Variants in PXDNL observed in about 807,000 individuals in gnomAD.
PXDNL encodes peroxidasin like.
In PXDNL, 145 loss-of-function variants were observed where a neutral mutation model predicts 150.8. The ratio of observed to expected loss-of-function variants is 0.96; its 90% CI spans 0.84 to 1.10. PXDNL has a LOEUF of 1.10. Among genes scored for constraint, PXDNL ranks in the 50% least tolerant of loss-of-function variants. The probability of loss-of-function intolerance (pLI) is 0.00; values close to 1 mark genes in which losing one functional copy is unlikely to be tolerated. For synonymous variants in PXDNL, 757 were observed against 725.7 expected (o/e 1.04, Z -0.69); for missense variants, 2,087 against 1,873.9 (o/e 1.11, Z -2.10).
intron 4 of PXDNL, among the ~76,000 whole-genome samples, chr8:51,548,095 A>G (rs1430747017): frequency 1.1e-5 from 1 of 91,518 alleles, no homozygotes; most frequent in Non-Finnish European, 2.0e-5. Context: ...TTCAGAATTC[A>G]AAAAAAAAAA....
chr8:51,476,677 A>T (rs1456246204), intron 6 of PXDNL, among the ~76,000 whole-genome samples: 2 of 152,124 alleles, frequency 1.3e-5, no homozygotes, highest in Non-Finnish European at 2.9e-5. Context: ...ACTTTTTTTC[A>T]TTTCTCCCAA....
chr8:51,508,975 G>A (rs1303990679), intron 4 of PXDNL, among the ~76,000 whole-genome samples: 1 of 152,112 alleles, frequency 6.6e-6, no homozygotes, highest in Non-Finnish European at 1.5e-5. Flanking sequence ...TCCAGATGCT[G>A]CACCCATCCC....
At chr8:51,525,121 A>T (rs1313102110) in intron 4 of PXDNL, among the ~76,000 whole-genome samples, 6 of 104,832 alleles carry the variant, frequency 5.7e-5, no homozygotes, top group Admixed American at 8.8e-5. Flanking sequence ...ACCTTTATTT[A>T]AAAAAAAAAA....
intron 13 of PXDNL, among the ~76,000 whole-genome samples, chr8:51,424,300 G>T (rs1401693306): frequency 6.6e-6 from 1 of 152,096 alleles, no homozygotes; most frequent in African/African-American, 2.4e-5. Context: ...GTCCAGAAGT[G>T]TGAATCTGTA....
chr8:51,705,698 C>A (rs1008592543), intron 1 of PXDNL, among the ~76,000 whole-genome samples: 1 of 152,130 alleles, frequency 6.6e-6, no homozygotes, highest in African/African-American at 2.4e-5. Context: ...AAGGAGTGAG[C>A]GTGTTTATTC....
intron 17 of PXDNL, among the ~76,000 whole-genome samples, chr8:51,378,533 T>C (rs969519719): frequency 3.9e-5 from 6 of 152,320 alleles, no homozygotes; most frequent in Non-Finnish European, 8.8e-5. Flanking sequence ...AAAAGCAGGC[T>C]GCCCCAGCCA....
chr8:51,408,793 C>T lies in PXDNL; in HGVS notation c.2831G>A (p.Cys944Tyr). ...LPFSTGPPTE[C>Y]ARQEQESPCF... ...GGGGCTCTCCTGCTCCTGTCGCGCG[C>T]ACTCGGTGGGTGGGCCTGTAGAAAA... The change falls in exon 17 of 23, where the codon TGC becomes TAC. Residue 944 changes from cysteine (C) to tyrosine (Y), a missense_variant. Physicochemically the swap from Cys to Tyr is radical, Grantham distance 194. Transcript: ENST00000356297. 6.4e-7 allele frequency: 1 copy of T among 1,572,352 alleles called. No homozygotes were observed. Among genetic ancestry groups the T allele is most frequent in the Non-Finnish European group, 8.6e-7 (1 of 1,159,880 alleles).
chr8:51,325,913 T>G (rs974737196), intron 21 of PXDNL, among the ~76,000 whole-genome samples: 2 of 151,992 alleles, frequency 1.3e-5, no homozygotes, highest in Non-Finnish European at 2.9e-5. Context: ...TGGGGTAGAG[T>G]GGTTATTGTC....
At chr8:51,535,787 C>T (rs150942788) in intron 4 of PXDNL, among the ~76,000 whole-genome samples, 58 of 152,186 alleles carry the variant, frequency 3.8e-4, no homozygotes, top group African/African-American at 1.4e-3. Context: ...TTTCTTCTTT[C>T]TTTTTCTCCT....
At chr8:51,389,337 C>T (rs1461372244) in intron 17 of PXDNL, among the ~76,000 whole-genome samples, 2 of 152,166 alleles carry the variant, frequency 1.3e-5, no homozygotes, top group Non-Finnish European at 2.9e-5. Context: ...CTGTGTAACA[C>T]AGGCTGGGAT....
intron 4 of PXDNL, among the ~76,000 whole-genome samples, chr8:51,539,481 G>A (rs982563814): frequency 2.0e-5 from 3 of 151,994 alleles, no homozygotes; most frequent in African/African-American, 4.8e-5. Flanking sequence ...CTCATAAAAT[G>A]AGTTGAGAAT....
In PXDNL at chr8:51,425,314, G is replaced by A. The variant is rs549805455; in HGVS notation, c.1638+1332C>T. 1.3e-3 allele frequency among the ~76,000 whole-genome samples: 199 copies of A among 152,242 alleles called. 7 individuals carry two copies. The South Asian group carries it at 0.04, about 31-fold the overall frequency. ...ATGAAGAGTAAATGTGATAGTGTGT[G>A]TAAAATGTCTGGCATAGAGTCAGCA... On this transcript the variant is annotated intron_variant, in intron 13 of 22. Transcript: ENST00000356297.
At chr8:51,585,032 A>G (rs1162687908) in intron 3 of PXDNL, among the ~76,000 whole-genome samples, 1 of 152,186 alleles carries the variant, frequency 6.6e-6, no homozygotes, top group Non-Finnish European at 1.5e-5. Flanking sequence ...ACAACTAACT[A>G]GACACAGCAG....
At chr8:51,542,235 T>TA (rs1411792877) in intron 4 of PXDNL, among the ~76,000 whole-genome samples, 2 of 152,134 alleles carry the variant, frequency 1.3e-5, no homozygotes, top group Non-Finnish European at 2.9e-5. Flanking sequence ...AAATATTATC[T>TA]AACAGAACAC....
At chr8:51,546,231 T>A (rs4407871) in intron 4 of PXDNL, among the ~76,000 whole-genome samples, 2 of 152,052 alleles carry the variant, frequency 1.3e-5, no homozygotes, top group African/African-American at 2.4e-5. Context: ...GCATTCCCAC[T>A]GGGGAACCTA....
chr8:51,553,573 G>A (rs945323746), intron 4 of PXDNL, among the ~76,000 whole-genome samples: 4 of 151,908 alleles, frequency 2.6e-5, no homozygotes, highest in Non-Finnish European at 5.9e-5. Flanking sequence ...TTATATATGC[G>A]CATTGAAAAC....
At chr8:51,489,763 C>A (rs1810847963) in intron 5 of PXDNL, among the ~76,000 whole-genome samples, 1 of 152,152 alleles carries the variant, frequency 6.6e-6, no homozygotes, top group African/African-American at 2.4e-5. Flanking sequence ...TTATAACAGA[C>A]AACCTATCAA....
chr8:51,500,550 T>C (rs1225658606), intron 4 of PXDNL, among the ~76,000 whole-genome samples: 3 of 152,358 alleles, frequency 2.0e-5, no homozygotes, highest in African/African-American at 7.2e-5. Flanking sequence ...TGGGGAAGGC[T>C]GCACACTCCT....
chr8:51,492,350 C>T (rs1408130314), intron 5 of PXDNL, among the ~76,000 whole-genome samples: 4 of 152,158 alleles, frequency 2.6e-5, no homozygotes, highest in Non-Finnish European at 5.9e-5. Context: ...CAGTTCCCAG[C>T]ATGAGCGACA....
Sources: allele counts gnomAD v4.1 joint callset (sites outside exome capture counted in the v4.1 genomes callset), GRCh38; gene constraint gnomAD v4.1.1; transcripts MANE v1.5; gene names NCBI Gene and HGNC (gene_info 2026-07-23, HGNC 2026-07-21).